ENPP2: variants seen among roughly 807,000 people sequenced by gnomAD.
ENPP2 encodes the protein autotaxin.
A neutral mutation model predicts 120.2 loss-of-function variants in ENPP2; 51 were observed. The ratio of observed to expected loss-of-function variants is 0.42; its 90% CI spans 0.34 to 0.54. ENPP2 has a LOEUF of 0.54. Among genes scored for constraint, ENPP2 ranks in the 20% least tolerant of loss-of-function variants. The pLI, the probability that ENPP2 is intolerant of heterozygous loss-of-function variation, is 0.04. For missense variants in ENPP2, 920 were observed against 1,066.5 expected, an observed-to-expected ratio of 0.86 and a Z score of 1.91; for synonymous variants, 365 against 366.4, an observed-to-expected ratio of 1.00 and a Z score of 0.04.
chr8:119,566,386 AC>A (rs1369072696), intron 22 of ENPP2, among the ~76,000 whole-genome samples: 24 of 152,256 alleles, frequency 1.6e-4, no homozygotes, highest in African/African-American at 4.3e-4. Flanking sequence ...ATTAAAAAGC[AC>A]CTGGCCATGC....
At chr8:119,579,129 T>C (rs554487847) in intron 19 of ENPP2, among the ~76,000 whole-genome samples, 3 of 152,302 alleles carry the variant, frequency 2.0e-5, no homozygotes, top group Admixed American at 1.3e-4. Flanking sequence ...TTTAGTAACA[T>C]GTATAGGAGG....
At chr8:119,663,939 T>C (rs1195398181) in intron 1 of ENPP2, among the ~76,000 whole-genome samples, 2 of 152,194 alleles carry the variant, frequency 1.3e-5, no homozygotes, top group African/African-American at 4.8e-5. Flanking sequence ...GCAGTTGGAT[T>C]TGTGGGTAGT....
intron 1 of ENPP2, among the ~76,000 whole-genome samples, chr8:119,668,429 C>CTTTTTTTTTTTTT (rs5894492): frequency 5.4e-5 from 6 of 110,546 alleles, no homozygotes; most frequent in East Asian, 2.7e-4. Context: ...TTTTCTTTTT[C>CTTTTTTTTTTTTT]TTTTTTTTTT....
At chr8:119,583,927 A>T in intron 16 of ENPP2, 35 bp downstream of exon 16, 1 of 1,545,010 alleles carries the variant, frequency 6.5e-7, no homozygotes, top group Non-Finnish European at 8.9e-7. Context: ...AGAACCACTA[A>T]AACACAATTT....
intron 1 of ENPP2, among the ~76,000 whole-genome samples, chr8:119,664,243 C>T (rs1023895821): frequency 7.2e-5 from 11 of 152,264 alleles, no homozygotes; most frequent in Middle Eastern, 3.4e-3. Flanking sequence ...TTCATGAAGA[C>T]GAACACATTA....
rs992218349 is a variant in ENPP2 at position 119,662,152 on chromosome 8, C to A, written c.21+11100G>T. On this transcript the variant is annotated intron_variant, in intron 1 of 25. Transcript: ENST00000427067. ...CTAGGGCATAATAATGTATTATATA[C>A]TTGAAAATTGCTAAGGGAACAGATT... is the stretch of plus-strand genomic sequence containing the variant. Among the ~76,000 whole-genome samples the A allele has an allele frequency of 2.0e-5, 3 of 152,130 alleles. No individual in the cohort carries two copies. In the East Asian group the frequency reaches 5.8e-4, roughly 29 times the overall value.
chr8:119,633,813 C>T (rs1816828628), intron 2 of ENPP2, among the ~76,000 whole-genome samples: 1 of 149,376 alleles, frequency 6.7e-6, no homozygotes, highest in African/African-American at 2.5e-5. Context: ...GGCCAGATTT[C>T]ATAAACTTTT....
intron 12 of ENPP2, 103 bp from the exon 13 acceptor site, chr8:119,590,733 GTAACT>G: frequency 1.3e-6 from 1 of 759,306 alleles, no homozygotes; most frequent in Non-Finnish European, 2.0e-6. Context: ...TTAGTTTTTA[GTAACT>G]TAATGGGAAG....
chr8:119,646,824 T>C (rs1305066191), intron 1 of ENPP2, among the ~76,000 whole-genome samples: 1 of 152,186 alleles, frequency 6.6e-6, no homozygotes, highest in Non-Finnish European at 1.5e-5. Context: ...TTCCTTAACA[T>C]ACATTGTTGC....
chr8:119,561,870 G>A (rs1813975679), intron 24 of ENPP2, among the ~76,000 whole-genome samples: 1 of 152,132 alleles, frequency 6.6e-6, no homozygotes, highest in African/African-American at 2.4e-5. Context: ...TGGGTGCAGT[G>A]GCTCACGCCT....
At chr8:119,593,716 A>C in intron 12 of ENPP2, 36 bp downstream of exon 12, 1 of 1,213,322 alleles carries the variant, frequency 8.2e-7, no homozygotes, top group South Asian at 1.2e-5. Context: ...AACATTATCC[A>C]TCTATCCTAT....
At chr8:119,661,019 T>A (rs1817905128) in intron 1 of ENPP2, among the ~76,000 whole-genome samples, 1 of 152,008 alleles carries the variant, frequency 6.6e-6, no homozygotes, top group Admixed American at 6.6e-5. Flanking sequence ...ACAACCTGAT[T>A]TAAAGATGAA....
At chr8:119,617,755 C>T (rs943597986) in intron 5 of ENPP2, among the ~76,000 whole-genome samples, 192 bp from the exon 6 acceptor site, 1 of 152,084 alleles carries the variant, frequency 6.6e-6, no homozygotes, top group South Asian at 2.1e-4. Context: ...TCGAGACCAG[C>T]CTGGCAACAT....
At chr8:119,658,801 C>T (rs1324149926) in intron 1 of ENPP2, among the ~76,000 whole-genome samples, 1 of 152,222 alleles carries the variant, frequency 6.6e-6, no homozygotes, top group East Asian at 1.9e-4. Context: ...AACCCCAGCA[C>T]TGTCCCTGGC....
chr8:119,602,861 C>G (rs1365743254), intron 9 of ENPP2, among the ~76,000 whole-genome samples: 2 of 152,174 alleles, frequency 1.3e-5, no homozygotes, highest in African/African-American at 4.8e-5. Flanking sequence ...AACTTTTACT[C>G]TCAGTGGACA....
intron 3 of ENPP2, among the ~76,000 whole-genome samples, chr8:119,625,835 A>G (rs1816233074): frequency 6.6e-6 from 1 of 152,222 alleles, no homozygotes; most frequent in African/African-American, 2.4e-5. Context: ...AGAAGCCTGT[A>G]CATCCTAGTA....
At position 119,624,482 on chromosome 8, in the gene ENPP2, T is replaced by A. The variant is rs188137318; in HGVS notation, c.292+2083A>T. On this transcript the variant is annotated intron_variant, in intron 3 of 24. Transcript: ENST00000075322. ...TAATTTAGTAATGTATATTTAAATT[T>A]AAAAAAAATGCACATATACTTTGAC... Among the ~76,000 whole-genome samples, 228 of 152,092 alleles carry A rather than the reference T, an allele frequency of 1.5e-3. 3 individuals carry two copies. The highest frequency in any genetic ancestry group is 7.6e-4 in the Non-Finnish European group (52 of 67,976).
At chr8:119,654,525 G>A (rs1331133478) in intron 1 of ENPP2, among the ~76,000 whole-genome samples, 1 of 148,010 alleles carries the variant, frequency 6.8e-6, no homozygotes, top group Non-Finnish European at 1.5e-5. Flanking sequence ...AAATATTAGA[G>A]TGAGAGAGAG....
At chr8:119,577,336 G>A (rs1812411287) in intron 19 of ENPP2, among the ~76,000 whole-genome samples, 1 of 152,146 alleles carries the variant, frequency 6.6e-6, no homozygotes, top group African/African-American at 2.4e-5. Flanking sequence ...TCACATACAT[G>A]GTGGTTCACA....
Sources: allele counts gnomAD v4.1 joint callset (sites outside exome capture counted in the v4.1 genomes callset), GRCh38; gene constraint gnomAD v4.1.1; transcripts MANE v1.5; gene names NCBI Gene and HGNC (gene_info 2026-07-23, HGNC 2026-07-21).